Variants in MYO5B observed in about 807,000 individuals in gnomAD.
MYO5B encodes unconventional myosin-Vb.
In MYO5B, 143 loss-of-function variants were observed where a neutral mutation model predicts 229.3. The observed-to-expected ratio is 0.62, with a 90% confidence interval of 0.54 to 0.72. The LOEUF is 0.72. MYO5B is among the 30% of genes least tolerant of loss of function. The pLI is 0.00. For synonymous variants in MYO5B, 918 were observed against 885.2 expected, an observed-to-expected ratio of 1.04 and a Z score of -0.66; for missense variants, 2,321 against 2,331.0, an observed-to-expected ratio of 1.00 and a Z score of 0.09.
At chr18:49,880,349 A>G in intron 23 of MYO5B, 22 bp downstream of exon 23, 1 of 1,601,644 alleles carries the variant, frequency 6.2e-7, no homozygotes, top group Non-Finnish European at 8.6e-7. Flanking sequence ...CCCAAATAAA[A>G]CTCAAGTGCT....
chr18:50,077,168 T>TAAAAAA (rs71169476), intron 1 of MYO5B, among the ~76,000 whole-genome samples: 2,603 of 81,160 alleles, frequency 0.032, 116 homozygotes, highest in South Asian at 0.04. Flanking sequence ...TGTGGCAAAG[T>TAAAAAA]AAAAAAAAAA....
intron 10 of MYO5B, chr18:49,970,779 G>C (rs532077411): frequency 1.3e-5 from 2 of 152,190 alleles, no homozygotes; most frequent in Non-Finnish European, 2.9e-5. Flanking sequence ...AGTGGCCACT[G>C]GTGGGGTCAA....
At chr18:50,046,235 C>G (rs1198465437) in intron 2 of MYO5B, among the ~76,000 whole-genome samples, 1 of 152,210 alleles carries the variant, frequency 6.6e-6, no homozygotes, top group South Asian at 2.1e-4. Context: ...TCAACCCTCC[C>G]TGCACACTGG....
At chr18:49,975,357 C>A (rs547456685) in intron 9 of MYO5B, among the ~76,000 whole-genome samples, 1 of 152,270 alleles carries the variant, frequency 6.6e-6, no homozygotes, top group South Asian at 2.1e-4. Context: ...GTGAGAATCA[C>A]CTTGAAGAGT....
intron 1 of MYO5B, among the ~76,000 whole-genome samples, chr18:50,095,249 G>C (rs1050956943): frequency 6.6e-6 from 1 of 152,128 alleles, no homozygotes; most frequent in Non-Finnish European, 1.5e-5. Context: ...TGTCATAGTT[G>C]GCCTGACAAA....
intron 20 of MYO5B, 133 bp downstream of exon 20, chr18:49,904,539 G>C (rs1271665712): frequency 9.2e-6 from 10 of 1,085,108 alleles, no homozygotes; most frequent in Non-Finnish European, 1.4e-5. Flanking sequence ...AAAGGATTTG[G>C]TGAGAGCAGA....
intron 4 of MYO5B, among the ~76,000 whole-genome samples, chr18:50,021,712 T>A: frequency 2.7e-5 from 2 of 74,934 alleles, no homozygotes; most frequent in African/African-American, 5.1e-5. Context: ...CCCCATCCCA[T>A]CTGCGTAAAA....
At chr18:50,040,029 G>C in intron 3 of MYO5B, 114 bp downstream of exon 3, 1 of 1,186,890 alleles carries the variant, frequency 8.4e-7, no homozygotes. Context: ...TCTCAGTGGA[G>C]AGATACTTAC....
chr18:50,074,943 C>T (rs954774826), intron 1 of MYO5B, among the ~76,000 whole-genome samples: 3 of 152,000 alleles, frequency 2.0e-5, no homozygotes, highest in African/African-American at 7.3e-5. Context: ...GCCTCAGCCT[C>T]CCGAGTATCT....
intron 1 of MYO5B, among the ~76,000 whole-genome samples, chr18:50,071,715 C>G (rs1351804211): frequency 6.6e-6 from 1 of 152,216 alleles, no homozygotes; most frequent in Admixed American, 6.5e-5. Flanking sequence ...GTCACTACTC[C>G]TGGTTCTGTG....
At chr18:49,852,229 T>C (rs189432901) in intron 31 of MYO5B, among the ~76,000 whole-genome samples, 19 of 152,326 alleles carry the variant, frequency 1.2e-4, no homozygotes, top group Admixed American at 1.2e-3. Flanking sequence ...ACAGCCCTCT[T>C]TATAGGGTGA....
intron 22 of MYO5B, among the ~76,000 whole-genome samples, chr18:49,887,768 C>T: frequency 6.6e-6 from 1 of 152,142 alleles, no homozygotes; most frequent in East Asian, 1.9e-4. Context: ...GCAACCTCTG[C>T]CTCCCGAGTT....
chr18:49,875,232 G>A (rs1322723891), intron 26 of MYO5B, among the ~76,000 whole-genome samples: 2 of 152,166 alleles, frequency 1.3e-5, no homozygotes, highest in African/African-American at 4.8e-5. Flanking sequence ...TGAGGCAAGG[G>A]TGCAGCCATG....
intron 1 of MYO5B, among the ~76,000 whole-genome samples, chr18:50,194,344 G>A (rs961634946): frequency 3.9e-5 from 6 of 152,160 alleles, no homozygotes; most frequent in African/African-American, 1.4e-4. Context: ...CCCCTGGGGT[G>A]GGGTCCACGG....
At chr18:50,141,975 G>C (rs2032424922) in intron 1 of MYO5B, among the ~76,000 whole-genome samples, 5 of 152,232 alleles carry the variant, frequency 3.3e-5, no homozygotes, top group Admixed American at 3.3e-4. Context: ...AATGGGGATA[G>C]TTTCTCTCTG....
chr18:50,072,988 G>A (rs1399798255), intron 1 of MYO5B, among the ~76,000 whole-genome samples: 2 of 152,158 alleles, frequency 1.3e-5, no homozygotes, highest in Non-Finnish European at 2.9e-5. Context: ...TATGGTGGGA[G>A]GCAAGTTCCA....
At chr18:50,163,479 C>T (rs2032800228) in intron 1 of MYO5B, among the ~76,000 whole-genome samples, 1 of 152,212 alleles carries the variant, frequency 6.6e-6, no homozygotes, top group African/African-American at 2.4e-5. Flanking sequence ...AGAAGGGAAA[C>T]CCCTGGCTGC....
intron 22 of MYO5B, among the ~76,000 whole-genome samples, chr18:49,891,091 C>G (rs956801335): frequency 6.6e-6 from 1 of 152,128 alleles, no homozygotes; most frequent in Non-Finnish European, 1.5e-5. Flanking sequence ...CTGACCTGGC[C>G]GCACTGTGCT....
intron 12 of MYO5B, among the ~76,000 whole-genome samples, chr18:49,959,922 G>C (rs1330033506): frequency 2.0e-5 from 3 of 152,126 alleles, no homozygotes; most frequent in Non-Finnish European, 4.4e-5. Context: ...GAGTGGGCTT[G>C]GGTAACGGAG....
Sources: allele counts gnomAD v4.1 joint callset (sites outside exome capture counted in the v4.1 genomes callset), GRCh38; gene constraint gnomAD v4.1.1; transcripts MANE v1.5; gene names NCBI Gene and HGNC (gene_info 2026-07-23, HGNC 2026-07-21).